RIMS1: variants seen among roughly 807,000 people sequenced by gnomAD.
RIMS1 encodes the protein regulating synaptic membrane exocytosis 1.
Under a neutral mutation model 214.1 loss-of-function variants are expected in RIMS1, and 83 were observed. The ratio of observed to expected loss-of-function variants is 0.39; its 90% CI spans 0.32 to 0.47. The LOEUF is 0.47. Among genes scored for constraint, RIMS1 ranks in the 20% least tolerant of loss-of-function variants. The pLI is 0.99. For missense variants in RIMS1, 2,050 were observed against 2,161.8 expected, an observed-to-expected ratio of 0.95 and a Z score of 1.03; for synonymous variants, 793 against 786.8, an observed-to-expected ratio of 1.01 and a Z score of -0.13.
At chr6:71,989,552 A>G (rs561000111) in intron 2 of RIMS1, among the ~76,000 whole-genome samples, 1 of 152,340 alleles carries the variant, frequency 6.6e-6, no homozygotes, top group East Asian at 1.9e-4. Context: ...AGCATGAGAA[A>G]AATTACAATT....
At chr6:72,290,345 C>T (rs2093168174) in intron 24 of RIMS1, among the ~76,000 whole-genome samples, 1 of 152,084 alleles carries the variant, frequency 6.6e-6, no homozygotes, top group Admixed American at 6.6e-5. Context: ...GCTATCTGTG[C>T]AGCTGTGTTG....
At chr6:72,010,174 CAT>C (rs1809834433) in intron 2 of RIMS1, among the ~76,000 whole-genome samples, 1 of 152,130 alleles carries the variant, frequency 6.6e-6, no homozygotes, top group African/African-American at 2.4e-5. Flanking sequence ...GCTTGTTCAA[CAT>C]ATGCAAATCA....
intron 30 of RIMS1, among the ~76,000 whole-genome samples, chr6:72,391,563 C>A (rs2098703245): frequency 6.6e-6 from 1 of 151,918 alleles, no homozygotes; most frequent in African/African-American, 2.4e-5. Flanking sequence ...ACTCATATAC[C>A]AATTTGATAT....
At chr6:72,262,074 A>G in intron 19 of RIMS1, 4 of 983,816 alleles carry the variant, frequency 4.1e-6, no homozygotes, top group Non-Finnish European at 4.8e-6. Flanking sequence ...AAACAAACAC[A>G]AAAAAAATCC....
intron 4 of RIMS1, among the ~76,000 whole-genome samples, chr6:72,151,918 G>A (rs1757111403): frequency 6.6e-6 from 1 of 152,154 alleles, no homozygotes; most frequent in African/African-American, 2.4e-5. Context: ...AACATGGTGG[G>A]AGGCAAAGGA....
intron 27 of RIMS1, among the ~76,000 whole-genome samples, chr6:72,311,676 A>G (rs1477272434): frequency 1.3e-5 from 2 of 152,200 alleles, no homozygotes. Flanking sequence ...CTGATATGAA[A>G]TTCTTTTATC....
chr6:72,033,867 A>T (rs769717849), intron 2 of RIMS1, among the ~76,000 whole-genome samples: 1 of 152,164 alleles, frequency 6.6e-6, no homozygotes, highest in Admixed American at 6.6e-5. Flanking sequence ...AAATTAAAGA[A>T]CAACTCTGAG....
intron 2 of RIMS1, among the ~76,000 whole-genome samples, chr6:71,997,760 A>G (rs987885993): frequency 1.3e-5 from 2 of 152,190 alleles, no homozygotes; most frequent in African/African-American, 4.8e-5. Flanking sequence ...ACAGGCTCCT[A>G]TTTTAGAATC....
intron 4 of RIMS1, among the ~76,000 whole-genome samples, chr6:72,115,949 CTA>C (rs1300643129): frequency 6.6e-6 from 1 of 151,884 alleles, no homozygotes; most frequent in Non-Finnish European, 1.5e-5. Context: ...GAACTAGAGA[CTA>C]TGGCTAGCAG....
At chr6:72,021,369 A>G (rs1361794533) in intron 2 of RIMS1, among the ~76,000 whole-genome samples, 3 of 152,204 alleles carry the variant, frequency 2.0e-5, no homozygotes, top group Non-Finnish European at 1.5e-5. Context: ...TTGTTGATGA[A>G]CAGTATTTGC....
intron 2 of RIMS1, among the ~76,000 whole-genome samples, chr6:72,053,561 G>C (rs1311613890): frequency 6.6e-6 from 1 of 152,076 alleles, no homozygotes; most frequent in African/African-American, 2.4e-5. Context: ...TTTGGCATCT[G>C]CTTGAAAATT....
chr6:72,381,499 G>A (rs2098486421), intron 29 of RIMS1, among the ~76,000 whole-genome samples: 1 of 152,180 alleles, frequency 6.6e-6, no homozygotes. Context: ...TCTCTTATCT[G>A]GCTTTAGCCA....
chr6:72,047,117 A>G (rs1462230784), intron 2 of RIMS1, among the ~76,000 whole-genome samples: 1 of 152,158 alleles, frequency 6.6e-6, no homozygotes, highest in Non-Finnish European at 1.5e-5. Flanking sequence ...AACAATAGAT[A>G]TTTTTTAAAG....
intron 1 of RIMS1, among the ~76,000 whole-genome samples, chr6:71,967,563 A>G (rs950151934): frequency 2.6e-5 from 4 of 152,132 alleles, no homozygotes; most frequent in African/African-American, 9.7e-5. Context: ...TGCATTCCTG[A>G]ATGTTTTGAA....
At chr6:71,982,085 G>C (rs1247102858) in intron 2 of RIMS1, among the ~76,000 whole-genome samples, 3 of 152,118 alleles carry the variant, frequency 2.0e-5, no homozygotes, top group Non-Finnish European at 4.4e-5. Flanking sequence ...GGATATGGAG[G>C]ATCAGGGAGG....
At chr6:72,370,689 G>T (rs1394694116) in intron 29 of RIMS1, among the ~76,000 whole-genome samples, 1 of 152,124 alleles carries the variant, frequency 6.6e-6, no homozygotes, top group Non-Finnish European at 1.5e-5. Context: ...GGGAGTGAAG[G>T]TATGAATATT....
At chr6:72,355,878 T>C (rs1173246442) in intron 29 of RIMS1, among the ~76,000 whole-genome samples, 1 of 152,172 alleles carries the variant, frequency 6.6e-6, no homozygotes, top group Non-Finnish European at 1.5e-5. Context: ...GCTGATAAAA[T>C]ACACTTTTGA....
At chr6:71,996,033 A>T (rs1358319034) in intron 2 of RIMS1, among the ~76,000 whole-genome samples, 1 of 151,586 alleles carries the variant, frequency 6.6e-6, no homozygotes, top group Non-Finnish European at 1.5e-5. Flanking sequence ...TGATCCACCC[A>T]CCTCCCAAAG....
At chr6:72,299,691 C>G (rs75138692) in intron 26 of RIMS1, among the ~76,000 whole-genome samples, 1 of 151,558 alleles carries the variant, frequency 6.6e-6, no homozygotes, top group Non-Finnish European at 1.5e-5. Flanking sequence ...AGTAAAGAAG[C>G]GAAAAACATT....
Sources: gnomAD v4.1 joint callset for allele counts (sites outside exome capture counted in the v4.1 genomes callset) on GRCh38, gnomAD v4.1.1 for gene constraint, MANE v1.5 for transcripts, NCBI Gene and HGNC (gene_info 2026-07-23, HGNC 2026-07-21) for gene names.